CTDSPL2: variants seen among roughly 807,000 people sequenced by gnomAD.
CTDSPL2 encodes the protein CTD small phosphatase like 2.
A neutral mutation model predicts 60.0 loss-of-function variants in CTDSPL2; 5 were observed. The observed-to-expected ratio is 0.08, with a 90% CI of 0.04 to 0.18. CTDSPL2 has a LOEUF of 0.18. CTDSPL2 is among the 10% of genes least tolerant of loss of function. CTDSPL2 has a pLI of 1.00. For synonymous variants in CTDSPL2, 186 were observed against 189.3 expected (o/e 0.98, Z 0.14); for missense variants, 370 against 548.8 (o/e 0.67, Z 3.26).
intron 1 of CTDSPL2, among the ~76,000 whole-genome samples, chr15:44,444,462 A>T (rs2080160848): frequency 6.6e-6 from 1 of 151,982 alleles, no homozygotes; most frequent in Non-Finnish European, 1.5e-5. Context: ...CTGCCACCTC[A>T]GCCTCCCAAG....
At chr15:44,472,426 C>G (rs867293919) in intron 2 of CTDSPL2, among the ~76,000 whole-genome samples, 20 of 152,128 alleles carry the variant, frequency 1.3e-4, no homozygotes, top group Admixed American at 4.6e-4. Flanking sequence ...TTGCATTTCC[C>G]TAATGACTGA....
chr15:44,470,736 C>A (rs1023842514), intron 2 of CTDSPL2, among the ~76,000 whole-genome samples: 1 of 152,142 alleles, frequency 6.6e-6, no homozygotes, highest in East Asian at 1.9e-4. Context: ...GTGTGAGCCA[C>A]CACGCCTGGC....
intron 2 of CTDSPL2, among the ~76,000 whole-genome samples, chr15:44,461,662 C>T (rs994431283): frequency 1.3e-5 from 2 of 150,680 alleles, no homozygotes; most frequent in Non-Finnish European, 2.9e-5. Flanking sequence ...AAGCAGTCAT[C>T]CCACCTTGGC....
chr15:44,471,630 A>G (rs957669460), intron 2 of CTDSPL2, among the ~76,000 whole-genome samples: 7 of 152,186 alleles, frequency 4.6e-5, no homozygotes, highest in Admixed American at 6.6e-5. Context: ...GCACAGCACT[A>G]TGTTGTATAG....
intron 2 of CTDSPL2, among the ~76,000 whole-genome samples, chr15:44,482,282 T>C (rs1216330117): frequency 6.6e-6 from 1 of 152,190 alleles, no homozygotes; most frequent in Non-Finnish European, 1.5e-5. Flanking sequence ...ATTACAGGCA[T>C]GTGTCACCAA....
chr15:44,517,489 AAAAG>A (rs2081677315), intron 10 of CTDSPL2: 2 of 152,094 alleles, frequency 1.3e-5, no homozygotes, highest in East Asian at 3.9e-4. Flanking sequence ...CAAAAAAAAA[AAAAG>A]AAGAAAAAAA....
At chr15:44,510,255 C>T (rs907988724) in intron 8 of CTDSPL2, among the ~76,000 whole-genome samples, 1 of 152,118 alleles carries the variant, frequency 6.6e-6, no homozygotes, top group African/African-American at 2.4e-5. Context: ...GTCTTGGCCT[C>T]CCAAAGTGCT....
At position 44,478,727 on chromosome 15, in the gene CTDSPL2, A is replaced by G. The variant is rs534100909; in HGVS notation, c.187-5497A>G. Reference sequence around the variant, plus strand: ...TGGGGCTTGGTGGCTCAGGCCTGTAATCCCAGCACTTTGGGAGGCCAAGGC... The same window carrying G: ...TGGGGCTTGGTGGCTCAGGCCTGTAGTCCCAGCACTTTGGGAGGCCAAGGC... On this transcript the variant is annotated intron_variant, in intron 2 of 12. Coordinates refer to ENST00000260327, the MANE Select transcript of CTDSPL2 (RefSeq NM_016396.3). 3.6e-4 allele frequency among the ~76,000 whole-genome samples: 55 copies of G among 152,178 alleles called. No homozygotes were observed. The South Asian group carries it at 0.011, about 32-fold the overall frequency.
At chr15:44,473,586 C>T (rs1000452475) in intron 2 of CTDSPL2, among the ~76,000 whole-genome samples, 1 of 152,124 alleles carries the variant, frequency 6.6e-6, no homozygotes, top group Non-Finnish European at 1.5e-5. Context: ...TGAACCACTG[C>T]GCCCAGCCGT....
intron 2 of CTDSPL2, chr15:44,470,431 G>A (rs2080782707): frequency 2.0e-5 from 3 of 150,946 alleles, no homozygotes; most frequent in Non-Finnish European, 4.4e-5. Context: ...AAACCTGTGT[G>A]TATATATTTA....
At chr15:44,448,620 AC>A (rs2080269470) in intron 1 of CTDSPL2, 1 of 309,182 alleles carries the variant, frequency 3.2e-6, no homozygotes, top group Admixed American at 3.9e-5. Context: ...CCATACCGCC[AC>A]CATGGGGGTC....
At chr15:44,453,318 G>C (rs1288389808) in intron 1 of CTDSPL2, among the ~76,000 whole-genome samples, 4 of 151,792 alleles carry the variant, frequency 2.6e-5, no homozygotes, top group African/African-American at 9.7e-5. Context: ...GTTCCTGTTT[G>C]TTCTTCATTT....
intron 2 of CTDSPL2, among the ~76,000 whole-genome samples, chr15:44,467,709 G>C (rs879437099): frequency 6.6e-6 from 1 of 152,094 alleles, no homozygotes; most frequent in Non-Finnish European, 1.5e-5. Context: ...AAGTAACTGG[G>C]ATTACAGGCA....
chr15:44,511,453 T>C (rs958095435), intron 8 of CTDSPL2, among the ~76,000 whole-genome samples: 1 of 152,198 alleles, frequency 6.6e-6, no homozygotes, highest in Admixed American at 6.5e-5. Flanking sequence ...CTAGACATAT[T>C]CTTGTGCAGT....
Position 44,514,651 on chromosome 15 carries a change from G to T in CTDSPL2, c.1023G>T (p.Gln341His). 1 of 1,605,914 alleles carries T rather than the reference G, an allele frequency of 6.2e-7. No homozygotes were observed. The highest frequency in any genetic ancestry group is 8.5e-7 in the Non-Finnish European group (1 of 1,172,856). ...FFREFLERMS[Q>H]MYEIILFTAS... ...GGGAATTCCTGGAACGAATGTCTCAGATGTATGAGGTAAACATGCTTAAGC... is the reference window on the plus strand; with the variant it reads ...GGGAATTCCTGGAACGAATGTCTCATATGTATGAGGTAAACATGCTTAAGC... Residue 341 changes from glutamine (Q) to histidine (H), a missense_variant, in exon 9 of 13, where the codon CAG becomes CAT. Around this residue, in one of 6 missense-constraint regions of CTDSPL2, gnomAD observed 21 missense variants for 42.1 expected, o/e 0.50. Transcript: ENST00000260327.
At chr15:44,503,887 G>C (rs1402491359) in intron 8 of CTDSPL2, 1 of 152,242 alleles carries the variant, frequency 6.6e-6, no homozygotes, top group Non-Finnish European at 1.5e-5. Context: ...CCTGTAGGGA[G>C]CTACTTGTAA....
At chr15:44,455,098 A>G (rs554338768) in intron 1 of CTDSPL2, among the ~76,000 whole-genome samples, 1 of 152,122 alleles carries the variant, frequency 6.6e-6, no homozygotes, top group African/African-American at 2.4e-5. Flanking sequence ...CTTTTATTTC[A>G]TTGAGCAGTG....
chr15:44,497,569 A>C (rs1052934531), intron 7 of CTDSPL2, among the ~76,000 whole-genome samples: 1 of 151,882 alleles, frequency 6.6e-6, no homozygotes, highest in Non-Finnish European at 1.5e-5. Context: ...ACGGGGTTTC[A>C]CCTTGTTAGC....
At chr15:44,483,796 A>G (rs1433896901) in intron 2 of CTDSPL2, among the ~76,000 whole-genome samples, 2 of 152,010 alleles carry the variant, frequency 1.3e-5, no homozygotes, top group African/African-American at 4.8e-5. Context: ...CTTTATCCCC[A>G]CCCTCTATTT....
Sources: allele counts gnomAD v4.1 joint callset (sites outside exome capture counted in the v4.1 genomes callset), GRCh38; gene constraint gnomAD v4.1.1; regional missense constraint gnomAD v4.1.1; transcripts MANE v1.5; gene names NCBI Gene and HGNC (gene_info 2026-07-23, HGNC 2026-07-21).